The following IGF1R variants were observed in gnomAD, a reference collection of about 807,000 sequenced individuals.
The protein encoded by IGF1R is insulin like growth factor 1 receptor, also known as insulin-like growth factor 1 receptor.
IGF1R carries 44 observed loss-of-function variants against 144.6 expected under a neutral mutation model. That is an observed-to-expected ratio of 0.30 (90% CI 0.24 to 0.39). The LOEUF is 0.39. Ranked by LOEUF, IGF1R falls within the 10% of genes least tolerant of loss-of-function variation. The pLI, the probability that IGF1R is intolerant of heterozygous loss-of-function variation, is 1.00. For missense variants in IGF1R, 1,355 were observed against 1,833.7 expected (o/e 0.74, Z 4.77); for synonymous variants, 795 against 722.8 (o/e 1.10, Z -1.60).
intron 2 of IGF1R, among the ~76,000 whole-genome samples, chr15:98,733,636 C>T (rs1235803884): frequency 6.6e-6 from 1 of 152,118 alleles, no homozygotes; most frequent in African/African-American, 2.4e-5. Flanking sequence ...AATCATTAAG[C>T]TGATTTGTAG....
intron 8 of IGF1R, among the ~76,000 whole-genome samples, chr15:98,913,504 G>A (rs891048994): frequency 2.0e-5 from 3 of 152,166 alleles, no homozygotes; most frequent in African/African-American, 4.8e-5. Flanking sequence ...CCTGCTTTGT[G>A]CCTGTGAGCC....
chr15:98,701,270 G>A (rs778464672), intron 1 of IGF1R, among the ~76,000 whole-genome samples: 4 of 151,112 alleles, frequency 2.6e-5, no homozygotes, highest in Admixed American at 6.6e-5. Flanking sequence ...GTAAAAGAAG[G>A]CTAATTATGT....
chr15:98,725,030 C>T (rs4616271), intron 2 of IGF1R, among the ~76,000 whole-genome samples: 37,621 of 152,180 alleles, frequency 0.25, 5,452 homozygotes, highest in South Asian at 0.34. Context: ...GCCCAGACCA[C>T]ACCAGGGCTC....
chr15:98,849,981 A>G (rs545410737), intron 2 of IGF1R, among the ~76,000 whole-genome samples: 5 of 152,330 alleles, frequency 3.3e-5, no homozygotes, highest in African/African-American at 9.6e-5. Flanking sequence ...GAATTTGGCA[A>G]TATCTCTCAG....
intron 2 of IGF1R, among the ~76,000 whole-genome samples, chr15:98,846,472 A>T (rs1333616491): frequency 2.6e-5 from 4 of 152,214 alleles, no homozygotes; most frequent in Non-Finnish European, 4.4e-5. Context: ...CCAACTACAT[A>T]TGGAAGAATT....
intron 15 of IGF1R, 45 bp downstream of exon 15, chr15:98,930,350 G>C: frequency 7.1e-7 from 1 of 1,413,320 alleles, no homozygotes; most frequent in Non-Finnish European, 1.0e-6. Flanking sequence ...AGGGCAGGTA[G>C]ATCGGGAGCT....
intron 20 of IGF1R, among the ~76,000 whole-genome samples, chr15:98,956,419 G>C (rs1035906495): frequency 6.6e-6 from 1 of 152,240 alleles, no homozygotes; most frequent in Non-Finnish European, 1.5e-5. Context: ...TCATCGGCTG[G>C]GGCTTGCTTG....
chr15:98,789,462 G>C (rs922362398), intron 2 of IGF1R, among the ~76,000 whole-genome samples: 1 of 152,190 alleles, frequency 6.6e-6, no homozygotes, highest in African/African-American at 2.4e-5. Flanking sequence ...TCAAGGTCTT[G>C]TTTTTGCCCT....
chr15:98,902,873 A>C (rs1379754004), intron 5 of IGF1R, among the ~76,000 whole-genome samples: 1 of 152,168 alleles, frequency 6.6e-6, no homozygotes. Flanking sequence ...CCAAAATGTC[A>C]CTGAGATCCC....
chr15:98,779,232 A>G (rs921965297), intron 2 of IGF1R, among the ~76,000 whole-genome samples: 1 of 152,234 alleles, frequency 6.6e-6, no homozygotes, highest in African/African-American at 2.4e-5. Context: ...CACCTGTTAT[A>G]TAATCCAGCA....
intron 20 of IGF1R, among the ~76,000 whole-genome samples, chr15:98,955,583 C>T (rs1351918124): frequency 6.6e-6 from 1 of 152,244 alleles, no homozygotes; most frequent in Non-Finnish European, 1.5e-5. Context: ...CTCTAGAACG[C>T]TGAATTCTAG....
intron 2 of IGF1R, among the ~76,000 whole-genome samples, chr15:98,857,716 T>C (rs549978202): frequency 6.6e-6 from 1 of 152,328 alleles, no homozygotes; most frequent in South Asian, 2.1e-4. Context: ...ATTTTGGATT[T>C]TTTTAAAGTT....
intron 2 of IGF1R, among the ~76,000 whole-genome samples, chr15:98,844,225 A>T (rs1223088621): frequency 6.6e-6 from 1 of 152,240 alleles, no homozygotes; most frequent in Admixed American, 6.5e-5. Context: ...TGACAAAAAG[A>T]AAAGCAAAGG....
rs138970624 is a variant in IGF1R, at chr15:98,797,594, A to G, written c.640+89487A>G. ...TGCCCAAGGCATTCCATGCACATGC[A>G]CCTGCAGGGTATGTGTCATCTGGGG... On this transcript the variant is annotated intron_variant, in intron 2 of 20. Coordinates refer to ENST00000650285, the MANE Select transcript of IGF1R (RefSeq NM_000875.5). Among the ~76,000 whole-genome samples, 543 of 152,216 alleles carry G rather than the reference A, an allele frequency of 3.6e-3. 7 individuals carry two copies. Among genetic ancestry groups the G allele is most frequent in the African/African-American group, 0.012 (515 of 41,524 alleles).
intron 2 of IGF1R, among the ~76,000 whole-genome samples, chr15:98,815,304 G>T (rs1039470642): frequency 1.3e-5 from 2 of 152,208 alleles, no homozygotes; most frequent in Non-Finnish European, 2.9e-5. Flanking sequence ...TTTTTAATGG[G>T]AGTTGCTCCT....
chr15:98,715,650 C>G (rs1411650354), intron 2 of IGF1R, among the ~76,000 whole-genome samples: 1 of 152,058 alleles, frequency 6.6e-6, no homozygotes, highest in African/African-American at 2.4e-5. Context: ...GCTCAACTTG[C>G]GTGTATAGGG....
chr15:98,962,930 A>G lies in IGF1R; in HGVS notation c.*5488A>G, dbSNP rs536735765. The G allele has an allele frequency of 2.4e-4, 57 of 233,738 alleles. No individual in the cohort carries two copies. Among genetic ancestry groups the G allele is most frequent in the Admixed American group, 3.4e-4 (6 of 17,804 alleles). The allele number at this position is 233,738 out of a possible 1,614,324, so 14.5% of individuals were successfully genotyped here. A position where few individuals can be genotyped will look rare whatever the true frequency, so the allele number is the denominator to read the frequency against. On this transcript the variant is annotated 3_prime_UTR_variant, in exon 21 of 21. Coordinates refer to ENST00000650285, the MANE Select transcript of IGF1R (RefSeq NM_000875.5). Reference sequence around the variant, plus strand: ...TTTAGCGTTTTGTTTCTGCGAGAACATAACGATCACTCATTTTTATGTCCC... The same window carrying G: ...TTTAGCGTTTTGTTTCTGCGAGAACGTAACGATCACTCATTTTTATGTCCC...
At chr15:98,657,735 T>G (rs1479379370) in intron 1 of IGF1R, among the ~76,000 whole-genome samples, 1 of 152,216 alleles carries the variant, frequency 6.6e-6, no homozygotes, top group Non-Finnish European at 1.5e-5. Context: ...ACAATTGGGA[T>G]TTTCTTTCTC....
chr15:98,670,635 G>A (rs1048957333), intron 1 of IGF1R, among the ~76,000 whole-genome samples: 1 of 152,206 alleles, frequency 6.6e-6, no homozygotes. Flanking sequence ...AGAGATAGAA[G>A]ACTGGTCCCA....
Sources: gnomAD v4.1 joint callset for allele counts (sites outside exome capture counted in the v4.1 genomes callset) on GRCh38, gnomAD v4.1.1 for gene constraint, MANE v1.5 for transcripts, NCBI Gene and HGNC (gene_info 2026-07-23, HGNC 2026-07-21) for gene names.